The following ROCK1 variants were observed in gnomAD, a reference collection of about 807,000 sequenced individuals.
ROCK1 encodes the protein rho-associated protein kinase 1.
A neutral mutation model predicts 196.8 loss-of-function variants in ROCK1; 36 were observed. The observed-to-expected ratio is 0.18, with a 90% CI of 0.14 to 0.24. The LOEUF (loss-of-function observed/expected upper bound fraction) is 0.24. ROCK1 is among the 10% of genes least tolerant of loss of function. The pLI is 1.00. For synonymous variants in ROCK1, 443 were observed against 515.9 expected (o/e 0.86, Z 1.91); for missense variants, 920 against 1,562.0 (o/e 0.59, Z 6.93).
At chr18:21,035,372 A>G (rs561560273) in intron 9 of ROCK1, among the ~76,000 whole-genome samples, 1 of 152,314 alleles carries the variant, frequency 6.6e-6, no homozygotes, top group South Asian at 2.1e-4. Context: ...AAAACATTAA[A>G]CATATGGCTG....
chr18:21,024,216 C>A (rs1419299099), intron 10 of ROCK1, among the ~76,000 whole-genome samples: 2 of 152,160 alleles, frequency 1.3e-5, no homozygotes, highest in African/African-American at 4.8e-5. Flanking sequence ...GGTGAAATAA[C>A]AGAACCAAAG....
chr18:20,960,227 G>A (rs766212100), intron 27 of ROCK1, 21 bp from the exon 28 acceptor site: 23 of 1,350,864 alleles, frequency 1.7e-5, no homozygotes, highest in Non-Finnish European at 2.4e-5. Context: ...AAGAATATAT[G>A]TATTAGTCAG....
intron 6 of ROCK1, among the ~76,000 whole-genome samples, chr18:21,043,881 T>C (rs2036132726): frequency 6.6e-6 from 1 of 152,002 alleles, no homozygotes; most frequent in South Asian, 2.1e-4. Flanking sequence ...GCAATCCATA[T>C]TTACCCTAAA....
At position 21,045,446 on chromosome 18, in the gene ROCK1, C is replaced by A; in HGVS notation, c.436G>T (p.Asp146Tyr). Residue 146 changes from aspartate to tyrosine, a missense_variant, in exon 5 of 33, where the codon GAT becomes TAT. By Grantham distance (160) the Asp-to-Tyr change is radical. Around this residue, in one of 6 missense-constraint regions of ROCK1, gnomAD observed 234 missense variants for 460.7 expected, o/e 0.51. Transcript: ENST00000399799. ...VVQLFYAFQDDRYLYMVMEYM... is the reference protein window; with the variant it reads ...VVQLFYAFQDYRYLYMVMEYM... ...TCCATCACCATGTAGAGATAACGAT[C>A]ATCTTGGAATGCATAAAAAAGCTAT... 1 of 1,607,440 alleles carries A rather than the reference C, an allele frequency of 6.2e-7. No individual in the cohort carries two copies. The highest frequency in any genetic ancestry group is 2.2e-5 in the East Asian group (1 of 44,662).
chr18:20,951,615 T>C lies in ROCK1; in HGVS notation c.4062-228A>G, dbSNP rs45439599. 2.0e-5 allele frequency among the ~76,000 whole-genome samples: 3 copies of C among 152,076 alleles called. No homozygotes were observed. The East Asian group carries it at 5.8e-4, about 29-fold the overall frequency. On this transcript the variant is annotated intron_variant, in intron 32 of 32. Coordinates refer to ENST00000399799, the MANE Select transcript of ROCK1 (RefSeq NM_005406.3). Reference sequence around the variant, plus strand: ...TAATCTCATTTCAAATCATTTTAGATCCAGTTTACAACCTATGCTCAGGAG... The same window carrying C: ...TAATCTCATTTCAAATCATTTTAGACCCAGTTTACAACCTATGCTCAGGAG...
intron 32 of ROCK1, among the ~76,000 whole-genome samples, chr18:20,952,339 G>A (rs139878489): frequency 0.048 from 7,331 of 151,846 alleles, 590 homozygotes; most frequent in African/African-American, 0.17. Context: ...CTGAGATTGC[G>A]CCACTGCACT....
chr18:21,043,573 A>T (rs1369703393), intron 6 of ROCK1, among the ~76,000 whole-genome samples: 1 of 144,640 alleles, frequency 6.9e-6, no homozygotes, highest in African/African-American at 2.6e-5. Flanking sequence ...ACATATACAT[A>T]ATGTATATGT....
chr18:21,096,566 A>C (rs368773202), intron 1 of ROCK1, among the ~76,000 whole-genome samples: 1 of 152,238 alleles, frequency 6.6e-6, no homozygotes, highest in African/African-American at 2.4e-5. Context: ...AATTCAGAGA[A>C]AGAAAGGGAA....
intron 2 of ROCK1, among the ~76,000 whole-genome samples, chr18:21,059,435 A>G (rs1373822109): frequency 2.0e-5 from 3 of 152,158 alleles, no homozygotes; most frequent in African/African-American, 7.2e-5. Flanking sequence ...TTCTTCTATT[A>G]CGTTGTATGT....
Position 20,953,681 on chromosome 18 carries a change from G to T in ROCK1, c.3958C>A (p.Pro1320Thr), listed in dbSNP as rs778188850. 3.1e-6 allele frequency: 5 copies of T among 1,607,008 alleles called. No individual in the cohort carries two copies. The highest frequency in any genetic ancestry group is 4.2e-6 in the Non-Finnish European group (5 of 1,178,376). ...THLVKKIPKN[P>T]PSGFVRASPR... is the part of the protein sequence containing the mutation. ...GAAGCACGAACAAAACCAGATGGTG[G>T]ATTCTTAGGGATTTTCTTTACTAAA... The change falls in exon 32 of 33, where the codon CCA becomes ACA. Residue 1320 changes from proline (P) to threonine (T), a missense_variant. By Grantham distance (38) the Pro-to-Thr change is conservative. Transcript: ENST00000399799.
intron 21 of ROCK1, among the ~76,000 whole-genome samples, chr18:20,980,455 C>T (rs945228407): frequency 1.3e-5 from 2 of 151,822 alleles, no homozygotes; most frequent in African/African-American, 4.8e-5. Flanking sequence ...CAGTCATTGT[C>T]TGTGTATAGA....
intron 1 of ROCK1, among the ~76,000 whole-genome samples, chr18:21,073,098 A>C (rs902293315): frequency 5.2e-5 from 4 of 77,498 alleles, no homozygotes; most frequent in Non-Finnish European, 1.1e-4. Flanking sequence ...AAAAAAAAAA[A>C]ACAAAAGTGG....
At chr18:20,978,437 T>C (rs2035500328) in intron 22 of ROCK1, among the ~76,000 whole-genome samples, 1 of 152,240 alleles carries the variant, frequency 6.6e-6, no homozygotes, top group Admixed American at 6.5e-5. Flanking sequence ...AGAAATGTTC[T>C]ATATCTGTAC....
At chr18:20,976,511 T>A (rs2035482318) in intron 22 of ROCK1, among the ~76,000 whole-genome samples, 1 of 152,190 alleles carries the variant, frequency 6.6e-6, no homozygotes. Flanking sequence ...AACAAATGGC[T>A]GGAACTGAGA....
At chr18:21,086,121 T>C (rs1445617963) in intron 1 of ROCK1, among the ~76,000 whole-genome samples, 2 of 151,432 alleles carry the variant, frequency 1.3e-5, no homozygotes, top group Non-Finnish European at 2.9e-5. Context: ...ATTTTTTTTT[T>C]TTTTTTTTGA....
chr18:21,018,830 G>A (rs1471217576), intron 12 of ROCK1, among the ~76,000 whole-genome samples: 4 of 152,092 alleles, frequency 2.6e-5, no homozygotes, highest in South Asian at 2.1e-4. Flanking sequence ...AATACTTTTC[G>A]TGTTACCTTT....
chr18:21,094,980 G>C (rs2036600637), intron 1 of ROCK1, among the ~76,000 whole-genome samples: 1 of 148,800 alleles, frequency 6.7e-6, no homozygotes, highest in African/African-American at 2.5e-5. Flanking sequence ...AACCTGGGAG[G>C]CAAAGGTTGC....
chr18:20,976,416 A>G (rs2035481358), intron 22 of ROCK1, among the ~76,000 whole-genome samples: 2 of 152,218 alleles, frequency 1.3e-5, no homozygotes, highest in Non-Finnish European at 2.9e-5. Flanking sequence ...GTTTTGGGTC[A>G]ACCTTTTACA....
At chr18:20,989,167 G>A (rs1163142595) in intron 18 of ROCK1, among the ~76,000 whole-genome samples, 2 of 152,202 alleles carry the variant, frequency 1.3e-5, no homozygotes, top group African/African-American at 4.8e-5. Context: ...TGACTGATGA[G>A]TAGAACAACT....
Sources: gnomAD v4.1 joint callset for allele counts (sites outside exome capture counted in the v4.1 genomes callset) on GRCh38, gnomAD v4.1.1 for gene constraint, gnomAD v4.1.1 regional missense constraint, MANE v1.5 for transcripts, NCBI Gene and HGNC (gene_info 2026-07-23, HGNC 2026-07-21) for gene names.